The following RNASEH2B variants were observed in gnomAD, a reference collection of about 807,000 sequenced individuals.
RNASEH2B encodes the protein Aicardi-Goutieres syndrome 2 protein.
A neutral mutation model predicts 45.0 loss-of-function variants in RNASEH2B; 36 were observed. That is an observed-to-expected ratio of 0.80 (90% confidence interval 0.61 to 1.06). The LOEUF (loss-of-function observed/expected upper bound fraction) is 1.06, where lower values mean the gene tolerates loss of function less well. RNASEH2B is among the 50% of genes least tolerant of loss of function. The probability of loss-of-function intolerance (pLI) is 0.00; values close to 1 mark genes in which losing one functional copy is unlikely to be tolerated. For synonymous variants in RNASEH2B, 119 were observed against 125.7 expected (o/e 0.95, Z 0.35); for missense variants, 361 against 360.3 (o/e 1.00, Z -0.02).
chr13:50,950,858 T>C (rs187687735), intron 9 of RNASEH2B: 22 of 152,376 alleles, frequency 1.4e-4, no homozygotes, highest in Non-Finnish European at 2.5e-4. Context: ...ATTTAAGTTG[T>C]TTGTGACTTC....
chr13:50,963,863 C>T (rs1458828805), intron 9 of RNASEH2B, among the ~76,000 whole-genome samples: 1 of 152,200 alleles, frequency 6.6e-6, no homozygotes, highest in Non-Finnish European at 1.5e-5. Context: ...TGTGATGGTA[C>T]ATTGCATTTA....
chr13:50,951,669 T>TA (rs1445580355), intron 9 of RNASEH2B: 1 of 152,228 alleles, frequency 6.6e-6, no homozygotes, highest in Admixed American at 6.5e-5. Context: ...TAGCCTTTGT[T>TA]ACTGTCTTTC....
chr13:50,922,132 G>A (rs957809638), intron 1 of RNASEH2B, among the ~76,000 whole-genome samples: 1 of 152,188 alleles, frequency 6.6e-6, no homozygotes, highest in Non-Finnish European at 1.5e-5. Flanking sequence ...TGTTCCCACA[G>A]AGCCCTATCT....
intron 1 of RNASEH2B, among the ~76,000 whole-genome samples, chr13:50,926,068 G>C (rs2137920299): frequency 6.6e-6 from 1 of 151,528 alleles, no homozygotes; most frequent in Admixed American, 6.6e-5. Context: ...ATTTTGTCTG[G>C]TGTTTTGTGG....
chr13:50,933,466 T>A, intron 4 of RNASEH2B, among the ~76,000 whole-genome samples: 1 of 152,250 alleles, frequency 6.6e-6, no homozygotes, highest in East Asian at 1.9e-4. Context: ...ACATTTGAGA[T>A]GTTTAGGTAT....
intron 1 of RNASEH2B, among the ~76,000 whole-genome samples, chr13:50,922,355 G>A (rs1038264023): frequency 1.3e-5 from 2 of 152,218 alleles, no homozygotes; most frequent in Non-Finnish European, 2.9e-5. Context: ...TGCATGCTCA[G>A]AAGGACCTGA....
intron 5 of RNASEH2B, chr13:50,935,328 T>C (rs1224522010): frequency 2.8e-6 from 1 of 353,396 alleles, no homozygotes; most frequent in Non-Finnish European, 5.3e-6. Context: ...ATTGTAAAAT[T>C]ACGTAAAACC....
At chr13:50,960,902 C>G (rs1276317687), downstream of RNASEH2B, among the ~76,000 whole-genome samples, 8 of 152,084 alleles carry the variant, frequency 5.3e-5, no homozygotes, top group Non-Finnish European at 1.2e-4. Flanking sequence ...AGCACTGGAG[C>G]CTTTTTGTTG....
chr13:50,932,534 A>T (rs1773383030), intron 4 of RNASEH2B, among the ~76,000 whole-genome samples: 1 of 152,248 alleles, frequency 6.6e-6, no homozygotes, highest in Non-Finnish European at 1.5e-5. Flanking sequence ...CTAAAGAGCC[A>T]GCAGTTTTAC....
At chr13:50,935,125 G>T in intron 5 of RNASEH2B, 126 bp downstream of exon 5, 1 of 710,500 alleles carries the variant, frequency 1.4e-6, no homozygotes, top group Non-Finnish European at 2.5e-6. Context: ...CTATCATTCA[G>T]ATTTGCTAAC....
downstream of RNASEH2B, among the ~76,000 whole-genome samples, chr13:50,960,339 T>G (rs979194348): frequency 5.3e-5 from 8 of 152,138 alleles, no homozygotes; most frequent in Admixed American, 4.6e-4. Flanking sequence ...ACCTCTTTTA[T>G]TATATATTTT....
chr13:50,932,328 T>A (rs80262144), intron 4 of RNASEH2B, among the ~76,000 whole-genome samples: 14,478 of 152,282 alleles, frequency 0.095, 762 homozygotes, highest in Admixed American at 0.17. Context: ...CCAAAGGCCT[T>A]TAGCCATACC....
intron 3 of RNASEH2B, among the ~76,000 whole-genome samples, chr13:50,929,815 T>A (rs1265152021): frequency 3.3e-5 from 5 of 152,146 alleles, no homozygotes; most frequent in Non-Finnish European, 7.4e-5. Flanking sequence ...GCAACTCTGA[T>A]TTGTCTCCTA....
chr13:50,930,872 T>G lies in RNASEH2B; in HGVS notation c.321+113T>G, dbSNP rs1555625. 0.13 allele frequency: 109,371 copies of G among 838,794 alleles called. 9,326 individuals carry two copies. The highest frequency in any genetic ancestry group is 0.36 in the East Asian group (14,863 of 40,850). 52.0% of individuals were successfully genotyped at this position (838,794 alleles called of 1,614,324 possible). ...AGGTGGATTCTACCTTCAGATCTAT[T>G]ATAGTGACTAGAGAAAACATGAATC... On this transcript the variant is annotated intron_variant, in intron 4 of 10. Coordinates refer to ENST00000336617, the MANE Select transcript of RNASEH2B (RefSeq NM_024570.4).
In RNASEH2B at chr13:50,930,706, C is replaced by G; in HGVS notation, c.268C>G (p.Pro90Ala). The change falls in exon 4 of 11, where the codon CCT becomes GCT. Residue 90 changes from proline to alanine, a missense_variant. Physicochemically the swap from Pro to Ala is conservative, Grantham distance 27 (BLOSUM62 -1). Coordinates refer to ENST00000336617, the MANE Select transcript of RNASEH2B (RefSeq NM_024570.4). Reference sequence around the variant, plus strand: ...AGGAGGTCTTCTCCATTTTGCCACACCTGTGGATCCTCTATTTCTGCTTCT... The same window carrying G: ...AGGAGGTCTTCTCCATTTTGCCACAGCTGTGGATCCTCTATTTCTGCTTCT... ...QSGGLLHFAT[P>A]VDPLFLLLHY... 2.5e-6 allele frequency: 4 copies of G among 1,613,788 alleles called. No individual in the cohort carries two copies. The highest frequency in any genetic ancestry group is 3.4e-6 in the Non-Finnish European group (4 of 1,179,692).
chr13:50,924,439 A>G (rs2137914801), intron 1 of RNASEH2B, among the ~76,000 whole-genome samples: 1 of 152,344 alleles, frequency 6.6e-6, no homozygotes, highest in East Asian at 1.9e-4. Context: ...TTATTACTAG[A>G]CACATAACAG....
In RNASEH2B at chr13:50,937,264, C is replaced by T. The variant is rs375187484; in HGVS notation, c.436+2265C>T. The T allele has an allele frequency of 1.4e-4, 21 of 151,730 alleles. No homozygotes were observed. In the East Asian group the frequency reaches 3.1e-3, roughly 22 times the overall value. 9.4% of individuals were successfully genotyped at this position (151,730 alleles called of 1,614,324 possible). A position where few individuals can be genotyped will look rare whatever the true frequency, so the allele number is the denominator to read the frequency against. On this transcript the variant is annotated intron_variant, in intron 5 of 10. Coordinates refer to ENST00000336617, the MANE Select transcript of RNASEH2B (RefSeq NM_024570.4). ...TAAGACAAGGTCTTGCTCTGTTGCC[C>T]AGGATGGAATGCAGTGGCACAATCA...
intron 1 of RNASEH2B, among the ~76,000 whole-genome samples, chr13:50,914,619 G>A (rs766877273): frequency 6.6e-6 from 1 of 152,154 alleles, no homozygotes; most frequent in Non-Finnish European, 1.5e-5. Flanking sequence ...ATGGCCACTG[G>A]ATCTGCTCCC....
At chr13:50,945,316 C>T (rs910187404) in intron 6 of RNASEH2B, 111 bp from the exon 7 acceptor site, 1 of 763,620 alleles carries the variant, frequency 1.3e-6, no homozygotes, top group Admixed American at 1.9e-5. Flanking sequence ...TCTAGGTTCT[C>T]AAATACTTCT....
Sources: gnomAD v4.1 joint callset for allele counts (sites outside exome capture counted in the v4.1 genomes callset) on GRCh38, gnomAD v4.1.1 for gene constraint, MANE v1.5 for transcripts, NCBI Gene and HGNC (gene_info 2026-07-23, HGNC 2026-07-21) for gene names.